Variants in CPA6 observed in about 807,000 individuals in gnomAD.
CPA6 encodes carboxypeptidase B.
A neutral mutation model predicts 63.3 loss-of-function variants in CPA6; 58 were observed. The ratio of observed to expected loss-of-function variants is 0.92; its 90% confidence interval spans 0.74 to 1.14. The LOEUF is 1.14. Ranked by LOEUF, CPA6 falls within the 50% of genes most tolerant of loss-of-function variation. The pLI, the probability that CPA6 is intolerant of heterozygous loss-of-function variation, is 0.00. For synonymous variants in CPA6, 185 were observed against 179.0 expected (o/e 1.03, Z -0.27); for missense variants, 565 against 526.6 (o/e 1.07, Z -0.71).
intron 8 of CPA6, among the ~76,000 whole-genome samples, chr8:67,461,604 G>T (rs943982340): frequency 1.3e-5 from 2 of 152,242 alleles, no homozygotes; most frequent in Non-Finnish European, 2.9e-5. Context: ...GTGGTGGCCA[G>T]GCAGAGGGTC....
intron 1 of CPA6, among the ~76,000 whole-genome samples, chr8:67,636,758 T>A (rs896491671): frequency 1.3e-5 from 2 of 151,576 alleles, no homozygotes; most frequent in African/African-American, 2.4e-5. Flanking sequence ...TTAAAAAAAA[T>A]GTCATCCCCG....
At chr8:67,529,515 C>T (rs1292602030) in intron 2 of CPA6, among the ~76,000 whole-genome samples, 2 of 152,174 alleles carry the variant, frequency 1.3e-5, no homozygotes, top group Non-Finnish European at 2.9e-5. Context: ...TATGTTCCAA[C>T]CCCACTCTTA....
intron 1 of CPA6, among the ~76,000 whole-genome samples, chr8:67,737,444 GT>G (rs368622297): frequency 0.021 from 3,209 of 152,270 alleles, 46 homozygotes; most frequent in African/African-American, 0.043. Context: ...ACTCAAATGT[GT>G]TTTTTTTCCC....
intron 1 of CPA6, among the ~76,000 whole-genome samples, chr8:67,640,927 C>A (rs367914243): frequency 6.6e-6 from 1 of 151,612 alleles, no homozygotes; most frequent in Admixed American, 6.6e-5. Flanking sequence ...TCCTGGGATG[C>A]GGCAGGGAGT....
intron 5 of CPA6, among the ~76,000 whole-genome samples, chr8:67,508,534 G>C (rs115292198): frequency 0.03 from 4,518 of 152,188 alleles, 219 homozygotes; most frequent in African/African-American, 0.1. Context: ...AAGTAAGGCT[G>C]AGGATAGATT....
At chr8:67,554,698 C>A (rs958913586) in intron 2 of CPA6, among the ~76,000 whole-genome samples, 1 of 152,158 alleles carries the variant, frequency 6.6e-6, no homozygotes, top group East Asian at 1.9e-4. Flanking sequence ...GGCCTGAGAG[C>A]CTGGGGGCTG....
chr8:67,637,975 G>T (rs1193303663), intron 1 of CPA6, among the ~76,000 whole-genome samples: 2 of 136,490 alleles, frequency 1.5e-5, no homozygotes, highest in Non-Finnish European at 3.1e-5. Flanking sequence ...AGTAATGCTA[G>T]AAATTTTGTG....
chr8:67,560,173 A>ATATATATATATATATATATATATATC (rs1813172913), intron 2 of CPA6, among the ~76,000 whole-genome samples: 1 of 150,854 alleles, frequency 6.6e-6, no homozygotes, highest in Non-Finnish European at 1.5e-5. Flanking sequence ...ATATATATAT[A>ATATATATATATATATATATATATATC]TATATTCCAG....
intron 1 of CPA6, among the ~76,000 whole-genome samples, chr8:67,693,265 C>T (rs1329554754): frequency 6.6e-6 from 1 of 152,162 alleles, no homozygotes; most frequent in Admixed American, 6.5e-5. Context: ...TAGGGTTCTC[C>T]TCATGTAAAT....
chr8:67,661,293 G>A (rs1816102637), intron 1 of CPA6, among the ~76,000 whole-genome samples: 1 of 152,190 alleles, frequency 6.6e-6, no homozygotes, highest in African/African-American at 2.4e-5. Context: ...GAACGCAGCT[G>A]GTGATTGAGG....
At chr8:67,701,934 C>A (rs867612398) in intron 1 of CPA6, among the ~76,000 whole-genome samples, 1 of 152,130 alleles carries the variant, frequency 6.6e-6, no homozygotes. Flanking sequence ...ACCCAAGGAC[C>A]CCTTTTGTAT....
chr8:67,426,832 T>C (rs545591902), intron 10 of CPA6, among the ~76,000 whole-genome samples: 1 of 152,326 alleles, frequency 6.6e-6, no homozygotes, highest in African/African-American at 2.4e-5. Context: ...AGTGAATAAA[T>C]TTTAGAGTTT....
chr8:67,476,258 C>T (rs1479001797), intron 8 of CPA6, among the ~76,000 whole-genome samples: 4 of 152,092 alleles, frequency 2.6e-5, no homozygotes, highest in African/African-American at 4.8e-5. Flanking sequence ...CCACCTCAGC[C>T]TCCCAAAGTG....
intron 1 of CPA6, among the ~76,000 whole-genome samples, chr8:67,716,896 T>C (rs1400316297): frequency 6.6e-6 from 1 of 152,134 alleles, no homozygotes; most frequent in Admixed American, 6.6e-5. Context: ...CAAATGCAGG[T>C]TGAGAAAATG....
chr8:67,508,980 G>A (rs914183822), intron 5 of CPA6, among the ~76,000 whole-genome samples: 2 of 152,138 alleles, frequency 1.3e-5, no homozygotes, highest in Non-Finnish European at 2.9e-5. Context: ...AGGAAACTTA[G>A]AGTCATGGCA....
intron 2 of CPA6, among the ~76,000 whole-genome samples, chr8:67,540,724 G>T (rs1818155): frequency 2.0e-5 from 3 of 152,082 alleles, no homozygotes; most frequent in Non-Finnish European, 4.4e-5. Context: ...ATCTAGAGAG[G>T]CAGTCTGGCT....
chr8:67,697,801 C>G (rs990048138), intron 1 of CPA6, among the ~76,000 whole-genome samples: 2 of 151,272 alleles, frequency 1.3e-5, no homozygotes, highest in African/African-American at 4.9e-5. Flanking sequence ...ATTTCCTTCC[C>G]TTACTTTATT....
At chr8:67,667,375 T>C (rs542337952) in intron 1 of CPA6, among the ~76,000 whole-genome samples, 8 of 152,078 alleles carry the variant, frequency 5.3e-5, no homozygotes, top group Non-Finnish European at 8.8e-5. Flanking sequence ...AAGAGCAGGC[T>C]GAGCAGGCCA....
At chr8:67,517,844 A>T in intron 3 of CPA6, 79 bp downstream of exon 3, 1 of 1,400,454 alleles carries the variant, frequency 7.1e-7, no homozygotes, top group Non-Finnish European at 9.6e-7. Context: ...TAAGTACTTG[A>T]TAAATAACCT....
Sources: allele counts gnomAD v4.1 joint callset (sites outside exome capture counted in the v4.1 genomes callset), GRCh38; gene constraint gnomAD v4.1.1; transcripts MANE v1.5; gene names NCBI Gene and HGNC (gene_info 2026-07-23, HGNC 2026-07-21).